FALEC: variants seen among roughly 807,000 people sequenced by gnomAD.
FALEC encodes the protein focally amplified lncRNA regulator of ECM1.
downstream of FALEC, among the ~76,000 whole-genome samples, chr1:150,522,928 T>TATATATATAC (rs1560270767): frequency 2.5e-3 from 35 of 14,232 alleles, 3 homozygotes; most frequent in African/African-American, 0.012. Context: ...TATATATACA[T>TATATATATAC]ATATATGTGT....
chr1:150,532,109 A>G, the FALEC span, among the ~76,000 whole-genome samples: 1 of 152,154 alleles, frequency 6.6e-6, no homozygotes, highest in African/African-American at 2.4e-5. Context: ...GGGTTTCACC[A>G]TGTTAGCCAG....
At chr1:150,523,458 C>T in the FALEC span, among the ~76,000 whole-genome samples, 2 of 150,990 alleles carry the variant, frequency 1.3e-5, no homozygotes, top group African/African-American at 4.9e-5. Context: ...AGTTCGAGAC[C>T]AGCCTGACCA....
the FALEC span, among the ~76,000 whole-genome samples, chr1:150,531,293 G>C: frequency 6.6e-6 from 1 of 152,208 alleles, no homozygotes; most frequent in Non-Finnish European, 1.5e-5. Context: ...TCGGGAGTTA[G>C]AGACCAGCCT....
downstream of FALEC, among the ~76,000 whole-genome samples, chr1:150,518,925 G>A (rs757480533): frequency 6.6e-6 from 1 of 151,952 alleles, no homozygotes; most frequent in African/African-American, 2.4e-5. Context: ...GTGTGGTGGC[G>A]TGCCTCTGTA....
downstream of FALEC, among the ~76,000 whole-genome samples, chr1:150,520,783 C>CTTTTCTT (rs1670630622): frequency 2.3e-5 from 1 of 42,818 alleles, no homozygotes; most frequent in Non-Finnish European, 4.3e-5. Context: ...CTTTTCTTTT[C>CTTTTCTT]TTTTTTTTTT....
the FALEC span, among the ~76,000 whole-genome samples, chr1:150,529,029 A>AAAAAAAAAAAAAAAC: frequency 6.6e-6 from 1 of 150,976 alleles, no homozygotes; most frequent in Non-Finnish European, 1.5e-5. Flanking sequence ...AAAAAAAAAA[A>AAAAAAAAAAAAAAAC]AAAAAAAAAA....
the FALEC span, among the ~76,000 whole-genome samples, chr1:150,533,433 T>TC: frequency 1.4e-5 from 2 of 142,132 alleles, no homozygotes; most frequent in Admixed American, 7.0e-5. Flanking sequence ...ACCAGAGCTT[T>TC]TTTTTTTTTT....
At chr1:150,522,945 GTGTGTATATATATA>G (rs1469537146), downstream of FALEC, among the ~76,000 whole-genome samples, 54 of 8,658 alleles carry the variant, frequency 6.2e-3, 3 homozygotes, top group South Asian at 0.019. Flanking sequence ...GTGTGTGTGT[GTGTGTATATATATA>G]TATATATATA....
chr1:150,521,001 G>A (rs1261767846), downstream of FALEC, among the ~76,000 whole-genome samples: 3 of 151,664 alleles, frequency 2.0e-5, no homozygotes, highest in Admixed American at 6.6e-5. Context: ...GGGTTTCTCC[G>A]TGTTGGTCAA....
the FALEC span, among the ~76,000 whole-genome samples, chr1:150,526,927 C>A: frequency 4.0e-5 from 6 of 151,868 alleles, no homozygotes; most frequent in East Asian, 1.2e-3. Context: ...AGCCACCACG[C>A]CTGGCCTATA....
At chr1:150,535,481 C>T in the FALEC span, among the ~76,000 whole-genome samples, 1 of 152,190 alleles carries the variant, frequency 6.6e-6, no homozygotes. Context: ...TGAGCTCATG[C>T]GATTTGCCAG....
the FALEC span, among the ~76,000 whole-genome samples, chr1:150,529,016 C>CAAAAAAAGAAAA: frequency 1.7e-5 from 1 of 59,292 alleles, no homozygotes; most frequent in East Asian, 4.2e-4. Context: ...AAATAAATAG[C>CAAAAAAAGAAAA]AAAAAAAAAA....
At chr1:150,529,016 C>CAAAAAAAAAAAAAAAAGAAAAAAAA in the FALEC span, among the ~76,000 whole-genome samples, 1 of 59,292 alleles carries the variant, frequency 1.7e-5, no homozygotes, top group African/African-American at 7.7e-5. Context: ...AAATAAATAG[C>CAAAAAAAAAAAAAAAAGAAAAAAAA]AAAAAAAAAA....
At chr1:150,528,142 G>C in the FALEC span, among the ~76,000 whole-genome samples, 211 of 152,238 alleles carry the variant, frequency 1.4e-3, 1 homozygote, top group African/African-American at 4.7e-3. Flanking sequence ...GGGAACTTGT[G>C]GATGAATTTT....
At chr1:150,522,933 A>G (rs1274362765), downstream of FALEC, among the ~76,000 whole-genome samples, 4 of 18,342 alleles carry the variant, frequency 2.2e-4, no homozygotes, top group African/African-American at 2.7e-4. Context: ...ATACATATAT[A>G]TGTGTGTGTG....
the FALEC span, among the ~76,000 whole-genome samples, chr1:150,526,403 C>T: frequency 0.016 from 2,384 of 150,894 alleles, 31 homozygotes; most frequent in Middle Eastern, 0.045. Flanking sequence ...CTCGCTATGT[C>T]GCCCAGGCTG....
At chr1:150,532,760 GTGAC>G in the FALEC span, among the ~76,000 whole-genome samples, 6 of 151,472 alleles carry the variant, frequency 4.0e-5, no homozygotes, top group Non-Finnish European at 5.9e-5. Context: ...AAGACAAACA[GTGAC>G]TGACTAAGGA....
the FALEC span, among the ~76,000 whole-genome samples, chr1:150,524,848 A>G: frequency 6.6e-6 from 1 of 152,054 alleles, no homozygotes; most frequent in Non-Finnish European, 1.5e-5. Context: ...AAAATAAATT[A>G]GAGTGGTGTG....
downstream of FALEC, among the ~76,000 whole-genome samples, chr1:150,519,317 G>T (rs1670610163): frequency 6.6e-6 from 1 of 152,004 alleles, no homozygotes; most frequent in South Asian, 2.1e-4. Flanking sequence ...CAGTCATTTT[G>T]GATTTTGTAA....
Sources: gnomAD v4.1 joint callset for allele counts (sites outside exome capture counted in the v4.1 genomes callset) on GRCh38, gnomAD v4.1.1 for gene constraint, MANE v1.5 for transcripts, NCBI Gene and HGNC (gene_info 2026-07-23, HGNC 2026-07-21) for gene names.